The following THOC1 variants were observed in gnomAD, a reference collection of about 807,000 sequenced individuals.
THOC1 encodes the protein THO complex 1.
THOC1 carries 29 observed loss-of-function variants against 97.3 expected under a neutral mutation model. The observed-to-expected ratio is 0.30, with a 90% CI of 0.22 to 0.41. THOC1 has a LOEUF of 0.41. Among genes scored for constraint, THOC1 ranks in the 10% least tolerant of loss-of-function variants. The pLI is 1.00. For synonymous variants in THOC1, 255 were observed against 257.0 expected (o/e 0.99, Z 0.07); for missense variants, 529 against 761.9 (o/e 0.69, Z 3.60).
At chr18:217,937 T>C (rs1910949896) in intron 18 of THOC1, among the ~76,000 whole-genome samples, 1 of 152,134 alleles carries the variant, frequency 6.6e-6, no homozygotes, top group African/African-American at 2.4e-5. Flanking sequence ...AGGAGGTCTT[T>C]TAGGCCCTGG....
chr18:250,705 G>A (rs1333264325), intron 9 of THOC1, among the ~76,000 whole-genome samples: 1 of 152,202 alleles, frequency 6.6e-6, no homozygotes, highest in African/African-American at 2.4e-5. Flanking sequence ...CTGTCACAAA[G>A]TAATTCCTCA....
At chr18:244,601 C>T (rs1440489453) in intron 11 of THOC1, 2 of 152,136 alleles carry the variant, frequency 1.3e-5, no homozygotes, top group African/African-American at 4.8e-5. Context: ...GTATATTTGT[C>T]TTTCTTATCC....
At chr18:249,980 T>G (rs1912228450) in intron 9 of THOC1, among the ~76,000 whole-genome samples, 1 of 152,192 alleles carries the variant, frequency 6.6e-6, no homozygotes, top group African/African-American at 2.4e-5. Context: ...ATATGTCCCT[T>G]TTTGTCTCAA....
intron 6 of THOC1, among the ~76,000 whole-genome samples, 181 bp from the exon 7 acceptor site, chr18:259,456 C>A (rs1912537051): frequency 6.6e-6 from 1 of 152,036 alleles, no homozygotes; most frequent in African/African-American, 2.4e-5. Context: ...ACAAGTTCAA[C>A]ATGACATGAA....
At chr18:251,043 A>G (rs1477811703) in intron 9 of THOC1, among the ~76,000 whole-genome samples, 2 of 152,212 alleles carry the variant, frequency 1.3e-5, no homozygotes, top group Non-Finnish European at 2.9e-5. Flanking sequence ...CTAGACACTG[A>G]ATAGACAATA....
chr18:229,383 T>C (rs149781086), intron 11 of THOC1, among the ~76,000 whole-genome samples: 3 of 152,260 alleles, frequency 2.0e-5, no homozygotes, highest in Admixed American at 6.5e-5. Flanking sequence ...CACTAATCCA[T>C]TGAAAGTGTT....
At chr18:256,679 T>A (rs1912446988) in intron 7 of THOC1, among the ~76,000 whole-genome samples, 1 of 152,146 alleles carries the variant, frequency 6.6e-6, no homozygotes, top group Admixed American at 6.5e-5. Flanking sequence ...GCTTATTTTT[T>A]ATTTTTTTTC....
In THOC1 at chr18:259,199, G is replaced by A. The variant is rs1197789287; in HGVS notation, c.501C>T (p.Phe167=). The part of the protein sequence containing the change: ...GRIQLFLARL[F]PLSEKSGLNL... ...GCTTACCTGATTTCTCAGACAGAGG[G>A]AAAAGCCTGGCCAAAAAGAGCTGAA... is the stretch of plus-strand genomic sequence containing the variant. The change falls in exon 7 of 21, where the codon TTC becomes TTT. Residue 167 remains phenylalanine, a synonymous_variant. Coordinates refer to ENST00000261600, the MANE Select transcript of THOC1 (RefSeq NM_005131.3). The A allele has an allele frequency of 6.2e-7, 1 of 1,611,934 alleles. No individual in the cohort carries two copies. Among genetic ancestry groups the A allele is most frequent in the Non-Finnish European group, 8.5e-7 (1 of 1,178,856 alleles).
intron 17 of THOC1, among the ~76,000 whole-genome samples, chr18:221,281 A>G (rs1204234121): frequency 6.6e-6 from 1 of 152,152 alleles, no homozygotes; most frequent in African/African-American, 2.4e-5. Flanking sequence ...AGGTCTGTCA[A>G]AATCCTACTA....
intron 18 of THOC1, among the ~76,000 whole-genome samples, chr18:218,446 TGAG>T (rs373270509): frequency 4.6e-4 from 70 of 152,106 alleles, no homozygotes; most frequent in African/African-American, 1.6e-3. Context: ...AGGCAGAGGA[TGAG>T]GAGGCTGAAA....
At chr18:235,409 CTT>C (rs1305178396) in intron 11 of THOC1, among the ~76,000 whole-genome samples, 1 of 152,028 alleles carries the variant, frequency 6.6e-6, no homozygotes, top group Non-Finnish European at 1.5e-5. Flanking sequence ...TTTCTAACTT[CTT>C]GAGTTGAACG....
At chr18:216,298 CTTCT>C (rs1910887798) in intron 19 of THOC1, 184 bp downstream of exon 19, 5 of 663,826 alleles carry the variant, frequency 7.5e-6, no homozygotes, top group African/African-American at 5.4e-5. Context: ...TTATCAGTTA[CTTCT>C]TTATCAACTC....
At chr18:214,993 A>G (rs1910820041) in intron 20 of THOC1, 72 bp from the exon 21 acceptor site, 8 of 1,397,352 alleles carry the variant, frequency 5.7e-6, no homozygotes, top group Middle Eastern at 3.7e-4. Flanking sequence ...TATGGGGCCA[A>G]TAAGTTTTAT....
intron 9 of THOC1, among the ~76,000 whole-genome samples, chr18:249,504 G>A (rs1012929230): frequency 9.2e-5 from 14 of 151,914 alleles, no homozygotes; most frequent in Admixed American, 3.9e-4. Flanking sequence ...TCTACTAAAA[G>A]TACAAAAATT....
intron 1 of THOC1, 146 bp downstream of exon 1, chr18:267,819 CT>C (rs1269255722): frequency 9.5e-6 from 8 of 839,874 alleles, no homozygotes; most frequent in Non-Finnish European, 1.4e-5. Flanking sequence ...TTCCCTACCC[CT>C]CAACCTCCGA....
intron 11 of THOC1, among the ~76,000 whole-genome samples, chr18:235,786 A>C (rs544307212): frequency 1.3e-5 from 2 of 152,290 alleles, no homozygotes; most frequent in African/African-American, 4.8e-5. Flanking sequence ...AATTTTGTGA[A>C]TGTTCCACGT....
rs1440098109 is a variant in THOC1, at chr18:214,966, C to A, written c.1679-45G>T. 5.7e-6 allele frequency: 9 copies of A among 1,575,732 alleles called. No individual in the cohort carries two copies. In the African/African-American group the frequency reaches 8.1e-5, roughly 14 times the overall value. ...TAAATTATGCGCAATTCTAAGTATA[C>A]AACAGAAATGGAAAGCTATGGGGCC... On this transcript the variant is annotated intron_variant, in intron 20 of 20. Coordinates refer to ENST00000261600, the MANE Select transcript of THOC1 (RefSeq NM_005131.3).
intron 4 of THOC1, chr18:263,756 C>T: frequency 5.7e-6 from 2 of 349,106 alleles, no homozygotes; most frequent in Non-Finnish European, 1.1e-5. Flanking sequence ...TAGCTCAGTA[C>T]CAGGCACATA....
At chr18:265,808 CAAA>C (rs34672376) in intron 1 of THOC1, among the ~76,000 whole-genome samples, 1 of 144,882 alleles carries the variant, frequency 6.9e-6, no homozygotes, top group Non-Finnish European at 1.5e-5. Context: ...ATTGTGCTTA[CAAA>C]AAAAAAAAAT....
Sources: allele counts gnomAD v4.1 joint callset (sites outside exome capture counted in the v4.1 genomes callset), GRCh38; gene constraint gnomAD v4.1.1; transcripts MANE v1.5; gene names NCBI Gene and HGNC (gene_info 2026-07-23, HGNC 2026-07-21).